LRP2: variants seen among roughly 807,000 people sequenced by gnomAD.
LRP2 encodes the protein LDL receptor related protein 2, also known as low-density lipoprotein receptor-related protein 2.
LRP2 carries 172 observed loss-of-function variants against 531.0 expected under a neutral mutation model. The ratio of observed to expected loss-of-function variants is 0.32; its 90% confidence interval spans 0.29 to 0.37. LRP2 has a LOEUF of 0.37. LRP2 is among the 10% of genes least tolerant of loss of function. LRP2 has a pLI of 1.00. For missense variants in LRP2, 5,167 were observed against 5,868.3 expected (o/e 0.88, Z 3.90); for synonymous variants, 1,992 against 2,027.6 (o/e 0.98, Z 0.47).
At chr2:169,361,521 C>T (rs1447851490) in intron 1 of LRP2, among the ~76,000 whole-genome samples, 1 of 151,588 alleles carries the variant, frequency 6.6e-6, no homozygotes, top group African/African-American at 2.4e-5. Flanking sequence ...TAGTTTTATT[C>T]TCTCCGCTTC....
chr2:169,325,788 G>A (rs1292926354), intron 1 of LRP2, among the ~76,000 whole-genome samples: 1 of 152,024 alleles, frequency 6.6e-6, no homozygotes, highest in Non-Finnish European at 1.5e-5. Flanking sequence ...ATAGGTGGCA[G>A]GAATTCTTTT....
chr2:169,232,175 C>G (rs979772517), intron 30 of LRP2, among the ~76,000 whole-genome samples: 1 of 151,322 alleles, frequency 6.6e-6, no homozygotes, highest in Admixed American at 6.6e-5. Flanking sequence ...AATAATCTGT[C>G]TCCTTACCTG....
In LRP2 at chr2:169,173,177, T is replaced by C; in HGVS notation, c.11062A>G (p.Thr3688Ala). ...CDNFTEFSCK[T>A]NYRCIPKWAV... ...CACTTTGGGATGCAGCGGTAATTTG[T>C]TTTGCAGCTGAATTCTGTGAAGTTG... The change falls in exon 57 of 79, where the codon ACA becomes GCA. Residue 3688 changes from threonine to alanine, a missense_variant. Coordinates refer to ENST00000649046, the MANE Select transcript of LRP2 (RefSeq NM_004525.3). 3 of 1,614,176 alleles carry C rather than the reference T, an allele frequency of 1.9e-6. No individual in the cohort carries two copies. The highest frequency in any genetic ancestry group is 1.7e-6 in the Non-Finnish European group (2 of 1,180,026).
intron 1 of LRP2, among the ~76,000 whole-genome samples, chr2:169,336,664 T>C (rs892945692): frequency 6.6e-6 from 1 of 152,142 alleles, no homozygotes; most frequent in African/African-American, 2.4e-5. Context: ...TATTCTCCAC[T>C]GCACAGAGCA....
chr2:169,185,057 G>A (rs981377074), intron 50 of LRP2, among the ~76,000 whole-genome samples: 12 of 152,220 alleles, frequency 7.9e-5, no homozygotes, highest in East Asian at 5.8e-4. Flanking sequence ...CACTGCCCCC[G>A]GCCAATGACA....
intron 77 of LRP2, among the ~76,000 whole-genome samples, chr2:169,129,422 T>C (rs1268157809): frequency 6.6e-6 from 1 of 152,238 alleles, no homozygotes; most frequent in Non-Finnish European, 1.5e-5. Context: ...AAGATGCATC[T>C]GGAGAAAAAG....
chr2:169,267,859 CA>C (rs1201665231), intron 16 of LRP2, among the ~76,000 whole-genome samples: 1 of 151,832 alleles, frequency 6.6e-6, no homozygotes, highest in East Asian at 1.9e-4. Context: ...AGACCGCTAG[CA>C]AGACTAATAA....
chr2:169,235,362 C>T (rs1280057734), intron 29 of LRP2, among the ~76,000 whole-genome samples: 1 of 151,884 alleles, frequency 6.6e-6, no homozygotes, highest in Non-Finnish European at 1.5e-5. Context: ...GTCTCAGCTT[C>T]CCGAATAGCT....
In LRP2 at chr2:169,154,619, G is replaced by A. The variant is rs1425374223; in HGVS notation, c.12152-16C>T. The A allele has an allele frequency of 2.5e-6, 4 of 1,612,584 alleles. No homozygotes were observed. The highest frequency in any genetic ancestry group is 1.7e-5 in the Admixed American group (1 of 59,968). ...GGAGAGCTACCTGTAAACAAACAAA[G>A]GGCTACTTTATCTGTTTGAATTATA... is the stretch of plus-strand genomic sequence containing the variant. On this transcript the variant is annotated splice_polypyrimidine_tract_variant and intron_variant, in intron 65 of 78. Transcript: ENST00000649046.
intron 4 of LRP2, among the ~76,000 whole-genome samples, chr2:169,304,152 C>CCACT (rs1684354260): frequency 6.6e-6 from 1 of 152,106 alleles, no homozygotes; most frequent in African/African-American, 2.4e-5. Context: ...TCCTTTAGTC[C>CCACT]CACTGCATTT....
intron 2 of LRP2, among the ~76,000 whole-genome samples, chr2:169,320,370 A>G (rs1684876687): frequency 6.6e-6 from 1 of 152,242 alleles, no homozygotes; most frequent in Non-Finnish European, 1.5e-5. Context: ...TTACATAAAA[A>G]TGGACTCCTC....
chr2:169,325,798 T>C (rs1292721921), intron 1 of LRP2, among the ~76,000 whole-genome samples: 1 of 152,082 alleles, frequency 6.6e-6, no homozygotes, highest in Non-Finnish European at 1.5e-5. Context: ...GGAATTCTTT[T>C]GGGTTTTTTT....
intron 3 of LRP2, among the ~76,000 whole-genome samples, chr2:169,309,186 T>C (rs562770309): frequency 1.3e-5 from 2 of 152,368 alleles, no homozygotes; most frequent in Non-Finnish European, 1.5e-5. Flanking sequence ...CTGTTCACTC[T>C]GATGGTAGTT....
At chr2:169,343,749 AG>A (rs1477769066) in intron 1 of LRP2, among the ~76,000 whole-genome samples, 3 of 152,260 alleles carry the variant, frequency 2.0e-5, no homozygotes, top group African/African-American at 7.2e-5. Flanking sequence ...GAAGTTGGGA[AG>A]GGGTAGTTGG....
At chr2:169,129,824 G>A (rs1315134300) in intron 77 of LRP2, among the ~76,000 whole-genome samples, 3 of 152,186 alleles carry the variant, frequency 2.0e-5, no homozygotes, top group Non-Finnish European at 4.4e-5. Flanking sequence ...CGTGGCCCAC[G>A]CTTTACTGAA....
At chr2:169,208,479 CAG>C (rs1688475895) in intron 38 of LRP2, among the ~76,000 whole-genome samples, 1 of 151,828 alleles carries the variant, frequency 6.6e-6, no homozygotes, top group Non-Finnish European at 1.5e-5. Context: ...TAATTCGAGA[CAG>C]AGTCTCAGTC....
chr2:169,175,227 G>A lies in LRP2; in HGVS notation c.10734C>T (p.Cys3578=), dbSNP rs760447424. 1 of 1,614,102 alleles carries A rather than the reference G, an allele frequency of 6.2e-7. No homozygotes were observed. Among genetic ancestry groups the A allele is most frequent in the Non-Finnish European group, 8.5e-7 (1 of 1,180,012 alleles). Residue 3578 remains cysteine (C), a synonymous_variant, in exon 55 of 79, where the codon TGC becomes TGT. Coordinates refer to ENST00000649046, the MANE Select transcript of LRP2 (RefSeq NM_004525.3). ...GACGGTCTTCATCAGACCCATCAGG[G>A]CAATTTTGGTGAGCATTGCATAAAG... is the stretch of plus-strand genomic sequence containing the variant. The part of the protein sequence containing the change: ...PQTLCNAHQN[C]PDGSDEDRLL...
intron 16 of LRP2, among the ~76,000 whole-genome samples, chr2:169,268,702 A>G (rs928698460): frequency 1.3e-5 from 2 of 152,234 alleles, no homozygotes; most frequent in African/African-American, 2.4e-5. Context: ...CAAGGCAGGG[A>G]TGCCCTCTCT....
At chr2:169,197,744 T>A (rs1688054408) in intron 45 of LRP2, among the ~76,000 whole-genome samples, 2 of 152,174 alleles carry the variant, frequency 1.3e-5, no homozygotes. Flanking sequence ...CCCTGAAAAG[T>A]CAGCAATAAT....
Sources: gnomAD v4.1 joint callset for allele counts (sites outside exome capture counted in the v4.1 genomes callset) on GRCh38, gnomAD v4.1.1 for gene constraint, MANE v1.5 for transcripts, NCBI Gene and HGNC (gene_info 2026-07-23, HGNC 2026-07-21) for gene names.